AKT3: variants seen among roughly 807,000 people sequenced by gnomAD.
AKT3 encodes the protein AKT serine/threonine kinase 3, also known as RAC-gamma serine/threonine-protein kinase.
A neutral mutation model predicts 65.3 loss-of-function variants in AKT3; 15 were observed. The observed-to-expected ratio is 0.23, with a 90% CI of 0.15 to 0.35. The LOEUF is 0.35. Ranked by LOEUF, AKT3 falls within the 10% of genes least tolerant of loss-of-function variation. The pLI is 1.00. For missense variants in AKT3, 243 were observed against 576.5 expected, an observed-to-expected ratio of 0.42 and a Z score of 5.92; for synonymous variants, 206 against 183.8, an observed-to-expected ratio of 1.12 and a Z score of -0.98.
intron 2 of AKT3, among the ~76,000 whole-genome samples, chr1:243,715,367 T>C (rs1394791002): frequency 6.6e-6 from 1 of 152,114 alleles, no homozygotes; most frequent in African/African-American, 2.4e-5. Context: ...TGGATAAAAA[T>C]ATTCACTTTT....
At chr1:243,515,951 T>C (rs1670324281) in intron 12 of AKT3, among the ~76,000 whole-genome samples, 1 of 149,948 alleles carries the variant, frequency 6.7e-6, no homozygotes, top group South Asian at 2.1e-4. Flanking sequence ...CACTCCAGCC[T>C]GGGCGACGGA....
intron 10 of AKT3, among the ~76,000 whole-genome samples, chr1:243,554,951 G>A (rs984371357): frequency 4.6e-5 from 7 of 151,358 alleles, no homozygotes; most frequent in African/African-American, 1.7e-4. Context: ...TAAAAAAGGG[G>A]GGTTTTATTT....
At chr1:243,598,214 A>C (rs964765825) in intron 8 of AKT3, among the ~76,000 whole-genome samples, 1 of 152,184 alleles carries the variant, frequency 6.6e-6, no homozygotes, top group East Asian at 1.9e-4. Context: ...TCAAAAAATT[A>C]TAAGAAAAAT....
intron 2 of AKT3, among the ~76,000 whole-genome samples, chr1:243,820,292 T>C (rs965726532): frequency 6.6e-6 from 1 of 152,068 alleles, no homozygotes; most frequent in Admixed American, 6.5e-5. Context: ...AAAAATTCCA[T>C]CTAAAGGTCA....
chr1:243,605,918 T>A (rs947658959), intron 8 of AKT3, among the ~76,000 whole-genome samples: 41 of 152,232 alleles, frequency 2.7e-4, no homozygotes, highest in African/African-American at 9.4e-4. Flanking sequence ...ATCTCCATGC[T>A]GTTCTGCTGA....
chr1:243,800,151 T>C (rs1054489249), intron 2 of AKT3, among the ~76,000 whole-genome samples: 2 of 152,184 alleles, frequency 1.3e-5, no homozygotes, highest in East Asian at 1.9e-4. Flanking sequence ...TTTAGGAGTA[T>C]ACCTTCCAGG....
chr1:243,821,172 G>A (rs1693832330), intron 2 of AKT3, among the ~76,000 whole-genome samples: 1 of 152,098 alleles, frequency 6.6e-6, no homozygotes. Flanking sequence ...TTCATGTCCA[G>A]CCAAACTAAG....
At chr1:243,615,184 C>T (rs750086147) in intron 6 of AKT3, 23 bp from the exon 7 acceptor site, 1 of 1,572,270 alleles carries the variant, frequency 6.4e-7, no homozygotes, top group South Asian at 1.1e-5. Flanking sequence ...AAAAGCAAAC[C>T]TTCAATATAT....
Position 243,503,052 on chromosome 1 carries a change from T to C in AKT3, c.*2197A>G, listed in dbSNP as rs372540763. On this transcript the variant is annotated 3_prime_UTR_variant, in exon 14 of 14. Transcript: ENST00000673466. ...TGCAAGACAACTTAAAGAACATACC[T>C]TCTAGTCTACTTTTTTGTCAAAATG... 2 of 233,546 alleles carry C rather than the reference T, an allele frequency of 8.6e-6. No homozygotes were observed. Among genetic ancestry groups the C allele is most frequent in the African/African-American group, 4.4e-5 (2 of 45,356 alleles). 14.5% of individuals were successfully genotyped at this position (233,546 alleles called of 1,614,324 possible).
chr1:243,761,010 C>G (rs1689459550), intron 2 of AKT3, among the ~76,000 whole-genome samples: 1 of 152,110 alleles, frequency 6.6e-6, no homozygotes, highest in Non-Finnish European at 1.5e-5. Flanking sequence ...AGAACCCAGC[C>G]CTGTATTTCA....
At chr1:243,774,400 G>A (rs1690414774) in intron 2 of AKT3, among the ~76,000 whole-genome samples, 1 of 151,962 alleles carries the variant, frequency 6.6e-6, no homozygotes, top group Non-Finnish European at 1.5e-5. Context: ...TTGATCTTGG[G>A]CACAGATCAT....
intron 2 of AKT3, among the ~76,000 whole-genome samples, chr1:243,718,734 A>G (rs796322300): frequency 2.6e-5 from 4 of 152,048 alleles, no homozygotes; most frequent in African/African-American, 9.6e-5. Flanking sequence ...CGGCCTCCCA[A>G]AGTGCTGGGA....
chr1:243,649,357 G>GTGTGTA (rs1405251441), intron 4 of AKT3, among the ~76,000 whole-genome samples: 10 of 147,962 alleles, frequency 6.8e-5, no homozygotes, highest in African/African-American at 1.8e-4. Flanking sequence ...GTGTGTGTGT[G>GTGTGTA]TATGTTGGGT....
chr1:243,542,325 A>C (rs921517824), intron 12 of AKT3, among the ~76,000 whole-genome samples: 1 of 152,200 alleles, frequency 6.6e-6, no homozygotes. Context: ...CAAGAAGCAA[A>C]TCCAGGACCA....
chr1:243,740,508 T>C (rs1291110283), intron 2 of AKT3, among the ~76,000 whole-genome samples: 1 of 152,162 alleles, frequency 6.6e-6, no homozygotes, highest in African/African-American at 2.4e-5. Context: ...CTGCAGAAAA[T>C]GCAAATGTGT....
intron 2 of AKT3, among the ~76,000 whole-genome samples, chr1:243,744,243 A>G (rs1030323211): frequency 6.6e-6 from 1 of 152,186 alleles, no homozygotes; most frequent in African/African-American, 2.4e-5. Flanking sequence ...CAAAACTAAT[A>G]TATGCTGTAG....
intron 12 of AKT3, among the ~76,000 whole-genome samples, chr1:243,532,187 T>C (rs184000586): frequency 6.1e-4 from 93 of 152,316 alleles, no homozygotes; most frequent in African/African-American, 2.1e-3. Flanking sequence ...GTTTTCTTCC[T>C]TATCTCAGGG....
At chr1:243,544,521 G>A (rs1161193493) in intron 12 of AKT3, among the ~76,000 whole-genome samples, 1 of 152,024 alleles carries the variant, frequency 6.6e-6, no homozygotes, top group Non-Finnish European at 1.5e-5. Flanking sequence ...GGTAGGCTGA[G>A]GTGAGAGGAT....
downstream of AKT3, among the ~76,000 whole-genome samples, chr1:243,495,699 G>A (rs1036109427): frequency 2.6e-5 from 4 of 152,184 alleles, no homozygotes; most frequent in Non-Finnish European, 4.4e-5. Context: ...CTTCTGACAG[G>A]TGGGCGGTCC....
Sources: allele counts gnomAD v4.1 joint callset (sites outside exome capture counted in the v4.1 genomes callset), GRCh38; gene constraint gnomAD v4.1.1; transcripts MANE v1.5; gene names NCBI Gene and HGNC (gene_info 2026-07-23, HGNC 2026-07-21).